The following MAPRE1 variants were observed in gnomAD, a reference collection of about 807,000 sequenced individuals.
The protein encoded by MAPRE1 is microtubule-associated protein RP/EB family member 1.
Under a neutral mutation model 32.1 loss-of-function variants are expected in MAPRE1, and 5 were observed. That is an observed-to-expected ratio of 0.16 (90% CI 0.08 to 0.33). The LOEUF (loss-of-function observed/expected upper bound fraction) is 0.33. MAPRE1 is among the 10% of genes least tolerant of loss of function. The probability of loss-of-function intolerance (pLI) is 1.00; values close to 1 mark genes in which losing one functional copy is unlikely to be tolerated. For synonymous variants in MAPRE1, 122 were observed against 118.9 expected, an observed-to-expected ratio of 1.03 and a Z score of -0.17; for missense variants, 209 against 327.2, an observed-to-expected ratio of 0.64 and a Z score of 2.79.
intron 3 of MAPRE1, among the ~76,000 whole-genome samples, chr20:32,836,332 T>C (rs1374768980): frequency 6.6e-6 from 1 of 152,260 alleles, no homozygotes; most frequent in African/African-American, 2.4e-5. Flanking sequence ...AATGCACTTT[T>C]GTATCACGTC....
At chr20:32,847,615 A>G (rs1174349068) in intron 6 of MAPRE1, among the ~76,000 whole-genome samples, 4 of 152,218 alleles carry the variant, frequency 2.6e-5, no homozygotes, top group Admixed American at 6.5e-5. Context: ...GCTCTGTGCT[A>G]TGTAATGAAA....
rs1319206304 is a variant in MAPRE1 at position 32,839,928 on chromosome 20, T to C, written c.597+72T>C. 3.1e-6 allele frequency: 5 copies of C among 1,589,796 alleles called. No individual in the cohort carries two copies. In the African/African-American group the frequency reaches 5.4e-5, roughly 17 times the overall value. Reference sequence around the variant, plus strand: ...TCCTTGCGGTGGCCAGGGTGCCTTATCCGTGTTCTTAAATGAACACCTGCC... The same window carrying C: ...TCCTTGCGGTGGCCAGGGTGCCTTACCCGTGTTCTTAAATGAACACCTGCC... On this transcript the variant is annotated intron_variant, in intron 5 of 6. Transcript: ENST00000375571.
chr20:32,837,726 A>G (rs1444805780), intron 4 of MAPRE1, among the ~76,000 whole-genome samples: 1 of 152,220 alleles, frequency 6.6e-6, no homozygotes, highest in Non-Finnish European at 1.5e-5. Context: ...ACGGTTTTTA[A>G]TATATCCAAA....
In MAPRE1 at chr20:32,844,732, C is replaced by T. The variant is rs189030148; in HGVS notation, c.598-1886C>T. Among the ~76,000 whole-genome samples the T allele has an allele frequency of 4.2e-3, 641 of 152,278 alleles. 2 individuals are homozygous for T. The highest frequency in any genetic ancestry group is 0.014 in the Middle Eastern group (4 of 294). On this transcript the variant is annotated intron_variant, in intron 5 of 6. Coordinates refer to ENST00000375571, the MANE Select transcript of MAPRE1 (RefSeq NM_012325.3). ...TGGCCAGCATTCCTTTTCATAAGCT[C>T]TTTCGACTTCCTTTCTTCCTTGGTC... is the stretch of plus-strand genomic sequence containing the variant.
intron 2 of MAPRE1, among the ~76,000 whole-genome samples, chr20:32,828,774 A>G (rs1026919890): frequency 2.0e-5 from 3 of 152,244 alleles, no homozygotes; most frequent in African/African-American, 7.2e-5. Flanking sequence ...GTTTTGAACC[A>G]GATCTTTCTG....
At chr20:32,840,128 G>A (rs1163547625) in intron 5 of MAPRE1, among the ~76,000 whole-genome samples, 1 of 152,202 alleles carries the variant, frequency 6.6e-6, no homozygotes, top group Non-Finnish European at 1.5e-5. Context: ...CTGGAATGCT[G>A]CCAGGGACCT....
chr20:32,840,614 C>G (rs1177211095), intron 5 of MAPRE1, among the ~76,000 whole-genome samples: 1 of 152,000 alleles, frequency 6.6e-6, no homozygotes, highest in African/African-American at 2.4e-5. Context: ...TGTGAGTCAC[C>G]ACGCCTGGCT....
intron 5 of MAPRE1, among the ~76,000 whole-genome samples, chr20:32,844,724 C>T (rs1370870965): frequency 6.6e-6 from 1 of 152,144 alleles, no homozygotes; most frequent in Non-Finnish European, 1.5e-5. Flanking sequence ...CATTCCTTTT[C>T]ATAAGCTCTT....
At chr20:32,831,607 A>G (rs1357672247) in intron 2 of MAPRE1, among the ~76,000 whole-genome samples, 1 of 151,276 alleles carries the variant, frequency 6.6e-6, no homozygotes, top group Admixed American at 6.6e-5. Context: ...ATCTCAGCTC[A>G]CTGCAACCAT....
intron 1 of MAPRE1, among the ~76,000 whole-genome samples, chr20:32,824,962 G>A (rs143199474): frequency 0.034 from 5,209 of 151,872 alleles, 285 homozygotes; most frequent in African/African-American, 0.12. Flanking sequence ...GACCAGCCTG[G>A]CTAACATGCT....
At chr20:32,841,614 C>T (rs1320328912) in intron 5 of MAPRE1, among the ~76,000 whole-genome samples, 1 of 130,946 alleles carries the variant, frequency 7.6e-6, no homozygotes, top group Non-Finnish European at 1.6e-5. Context: ...TATCCCTCCC[C>T]CCTCCCCCCA....
intron 5 of MAPRE1, among the ~76,000 whole-genome samples, chr20:32,844,293 C>G (rs766598092): frequency 6.6e-6 from 1 of 152,014 alleles, no homozygotes; most frequent in Non-Finnish European, 1.5e-5. Context: ...TGGACAGATG[C>G]AACTTTTGGC....
intron 5 of MAPRE1, among the ~76,000 whole-genome samples, chr20:32,840,157 G>A (rs1297937260): frequency 6.6e-6 from 1 of 152,170 alleles, no homozygotes; most frequent in Non-Finnish European, 1.5e-5. Context: ...GAGAATGAAA[G>A]ATAAAGGAGG....
intron 5 of MAPRE1, among the ~76,000 whole-genome samples, chr20:32,845,502 G>T (rs1983484330): frequency 6.6e-6 from 1 of 152,176 alleles, no homozygotes; most frequent in South Asian, 2.1e-4. Flanking sequence ...GGTGTCACCT[G>T]ATCCTCATCT....
rs1412704595 is a variant in MAPRE1, at chr20:32,849,590, G to T, written c.*862G>T. 6.6e-6 allele frequency: 1 copy of T among 152,620 alleles called. No individual in the cohort carries two copies. Among genetic ancestry groups the T allele is most frequent in the African/African-American group, 2.4e-5 (1 of 41,454 alleles). The allele number at this position is 152,620 out of a possible 1,614,324, so 9.5% of individuals were successfully genotyped here. On this transcript the variant is annotated 3_prime_UTR_variant, in exon 7 of 7. Transcript: ENST00000375571. Reference sequence around the variant, plus strand: ...CATCTCTGGGATTTGAATGGGGATTGTATCCCATTTTACTGTCTTTTAGGT... The same window carrying T: ...CATCTCTGGGATTTGAATGGGGATTTTATCCCATTTTACTGTCTTTTAGGT...
chr20:32,837,808 C>T (rs1051095123), intron 4 of MAPRE1, among the ~76,000 whole-genome samples: 2 of 152,178 alleles, frequency 1.3e-5, no homozygotes, highest in Non-Finnish European at 2.9e-5. Context: ...CTGTGCTGGG[C>T]GCAGTGGCTC....
At chr20:32,822,692 T>A (rs1298746601) in intron 1 of MAPRE1, among the ~76,000 whole-genome samples, 1 of 152,104 alleles carries the variant, frequency 6.6e-6, no homozygotes, top group African/African-American at 2.4e-5. Flanking sequence ...TGAGTTTAAG[T>A]AACTTGCCTA....
chr20:32,829,555 A>G (rs939916095), intron 2 of MAPRE1, among the ~76,000 whole-genome samples: 11 of 152,222 alleles, frequency 7.2e-5, no homozygotes, highest in African/African-American at 2.7e-4. Context: ...GGAGAATTCC[A>G]GGAGCTTTTG....
At chr20:32,831,382 A>T (rs1396061692) in intron 2 of MAPRE1, among the ~76,000 whole-genome samples, 1 of 152,098 alleles carries the variant, frequency 6.6e-6, no homozygotes, top group Non-Finnish European at 1.5e-5. Context: ...TTTTAGAAAT[A>T]GGGAAATAAA....
Sources: gnomAD v4.1 joint callset for allele counts (sites outside exome capture counted in the v4.1 genomes callset) on GRCh38, gnomAD v4.1.1 for gene constraint, MANE v1.5 for transcripts, NCBI Gene and HGNC (gene_info 2026-07-23, HGNC 2026-07-21) for gene names.